BTBD3: variants seen among roughly 807,000 people sequenced by gnomAD.
The protein encoded by BTBD3 is BTB/POZ domain-containing protein 3.
A neutral mutation model predicts 41.6 loss-of-function variants in BTBD3; 14 were observed. That is an observed-to-expected ratio of 0.34 (90% confidence interval 0.22 to 0.53). The LOEUF is 0.53. Among genes scored for constraint, BTBD3 ranks in the 20% least tolerant of loss-of-function variants. The pLI, the probability that BTBD3 is intolerant of heterozygous loss-of-function variation, is 0.95. For synonymous variants in BTBD3, 249 were observed against 233.7 expected (o/e 1.07, Z -0.60); for missense variants, 426 against 654.7 (o/e 0.65, Z 3.81).
chr20:11,909,335 A>T (rs371498515), intron 1 of BTBD3: 1 of 151,344 alleles, frequency 6.6e-6, no homozygotes, highest in Non-Finnish European at 1.5e-5. Flanking sequence ...AAGAGCTTTT[A>T]CTGTGAGTTT....
chr20:11,903,314 CTTGCTTTAGGAGAACACCAAAGA>C (rs2056834669), intron 1 of BTBD3, among the ~76,000 whole-genome samples: 1 of 152,140 alleles, frequency 6.6e-6, no homozygotes, highest in African/African-American at 2.4e-5. Flanking sequence ...GGCAGCCATG[CTTGCTTTAGGAGAACACCAAAGA>C]TTGCTACCCC....
intron 2 of BTBD3, 63 bp from the exon 3 acceptor site, chr20:11,919,655 G>T: frequency 6.7e-7 from 1 of 1,497,740 alleles, no homozygotes; most frequent in Non-Finnish European, 9.3e-7. Context: ...TTGTTTTTCT[G>T]CATTGATTTG....
In BTBD3 at chr20:11,923,167, A is replaced by G. The variant is rs1418222465; in HGVS notation, c.1070A>G (p.Lys357Arg). The change falls in exon 4 of 4, where the codon AAG becomes AGG. Residue 357 changes from lysine (K) to arginine (R), a missense_variant. Physicochemically the swap from Lys to Arg is conservative, Grantham distance 26 (BLOSUM62 2). Around this residue, in one of 3 missense-constraint regions of BTBD3, gnomAD observed 321 missense variants for 534.8 expected, o/e 0.60. Transcript: ENST00000378226. This position sits in a 1 kb window ranked among gnomAD's most constrained non-coding sequence, Gnocchi z 5.3. ...TTCCTCTGGTATACTGCAGCCAAAA[A>G]GCCTGAGCTTCAGTTTGTGAGTAAA... ...DIFLWYTAAK[K>R]PELQFVSKAR... 1 of 1,614,246 alleles carries G rather than the reference A, an allele frequency of 6.2e-7. No individual in the cohort carries two copies. Among genetic ancestry groups the G allele is most frequent in the Middle Eastern group, 1.6e-4 (1 of 6,062 alleles).
chr20:11,916,487 T>C (rs974484337), upstream of BTBD3, among the ~76,000 whole-genome samples: 9 of 152,192 alleles, frequency 5.9e-5, no homozygotes, highest in Admixed American at 2.0e-4. Context: ...CCATCTAAAA[T>C]GGAGACAGGT....
At chr20:11,899,593 C>T (rs975103643) in intron 1 of BTBD3, among the ~76,000 whole-genome samples, 2 of 151,824 alleles carry the variant, frequency 1.3e-5, no homozygotes, top group Admixed American at 1.3e-4. Context: ...TTCCAGGATA[C>T]ATGTGCAGGA....
chr20:11,921,682 G>A lies in BTBD3; in HGVS notation c.537-952G>A, dbSNP rs148518711. ...AAAAAGGCAGGTTTCATTTGTGCTC[G>A]TGGACATTTTTCTCATTGCCATTCT... On this transcript the variant is annotated intron_variant, in intron 3 of 3. Coordinates refer to ENST00000378226, the MANE Select transcript of BTBD3 (RefSeq NM_014962.4). 9.8e-5 allele frequency: 15 copies of A among 152,330 alleles called. 1 individual carries two copies. Among genetic ancestry groups the A allele is most frequent in the East Asian group, 9.6e-4 (5 of 5,186 alleles). The allele number at this position is 152,330 out of a possible 1,614,324, so 9.4% of individuals were successfully genotyped here. A position where few individuals can be genotyped will look rare whatever the true frequency, so the allele number is the denominator to read the frequency against.
chr20:11,920,912 A>G (rs2056965291), intron 3 of BTBD3, among the ~76,000 whole-genome samples: 2 of 150,684 alleles, frequency 1.3e-5, no homozygotes, highest in Non-Finnish European at 2.9e-5. Context: ...TTCATTATTC[A>G]TCTTACAGTT....
At chr20:11,898,590 TA>T (rs1316667479) in intron 1 of BTBD3, among the ~76,000 whole-genome samples, 1 of 152,222 alleles carries the variant, frequency 6.6e-6, no homozygotes, top group Non-Finnish European at 1.5e-5. Flanking sequence ...GTATGTTTAT[TA>T]ATGTGTCCTG....
upstream of BTBD3, among the ~76,000 whole-genome samples, chr20:11,915,020 C>T (rs2056909741): frequency 2.0e-5 from 3 of 152,110 alleles, no homozygotes; most frequent in Non-Finnish European, 2.9e-5. Context: ...CAAATACTCG[C>T]CTTTCTCTAT....
Position 11,918,434 on chromosome 20 carries a change from T to G in BTBD3, c.159T>G (p.Ile53Met), listed in dbSNP as rs777586369. ...SKLPPVCYEIITLKTKKKKMA... is the reference protein window; with the variant it reads ...SKLPPVCYEIMTLKTKKKKMA... ...TGCCACCAGTTTGTTATGAAATAAT[T>G]ACCTTGAAGACTAAAAAGAAGAAGA... is the stretch of plus-strand genomic sequence containing the variant. The change falls in exon 1 of 4, where the codon ATT becomes ATG. Residue 53 changes from isoleucine (I) to methionine (M), a missense_variant. By Grantham distance (10) the Ile-to-Met change is conservative. Transcript: ENST00000378226. The G allele has an allele frequency of 1.2e-6, 2 of 1,613,978 alleles. No individual in the cohort carries two copies.
chr20:11,899,321 G>T (rs1353405928), intron 1 of BTBD3, among the ~76,000 whole-genome samples: 1 of 152,062 alleles, frequency 6.6e-6, no homozygotes, highest in Non-Finnish European at 1.5e-5. Context: ...AGAGAATGTT[G>T]TAGTCATCCC....
intron 1 of BTBD3, among the ~76,000 whole-genome samples, chr20:11,895,827 G>C (rs947928765): frequency 7.9e-5 from 12 of 152,138 alleles, no homozygotes; most frequent in African/African-American, 2.9e-4. Flanking sequence ...GAGCAGACTG[G>C]AGTGAGTACT....
In BTBD3 at chr20:11,918,245, ATCTAAC is replaced by A; in HGVS notation, c.-25_-20del. 6.6e-7 allele frequency: 1 copy of A among 1,521,158 alleles called. No homozygotes were observed. The highest frequency in any genetic ancestry group is 8.7e-7 in the Non-Finnish European group (1 of 1,143,430). The allele number at this position is 1,521,158 out of a possible 1,614,324, so 94.2% of individuals were successfully genotyped here. On this transcript the variant is annotated 5_prime_UTR_variant, in exon 1 of 4. Coordinates refer to ENST00000378226, the MANE Select transcript of BTBD3 (RefSeq NM_014962.4). ...CTTGATGTTCAAACCAATTTGGGAT[ATCTAAC>A]TCTAAAGAGAGACACACTGTACTCA...
chr20:11,914,575 G>T (rs1600241197), upstream of BTBD3, among the ~76,000 whole-genome samples: 1 of 151,690 alleles, frequency 6.6e-6, no homozygotes, highest in East Asian at 1.9e-4. Context: ...GTATACATAT[G>T]TAACTAACCT....
rs761568113 is a variant in BTBD3 at position 11,919,128 on chromosome 20, T to C, written c.369T>C (p.His123=). ...MFNNDLMADV[H]FVVGPPGGTQ... ...ATAATGATTTGATGGCAGATGTACA[T>C]TTTGTGGTTGGGCCACCAGGTGGGA... Residue 123 remains histidine (H), a synonymous_variant, in exon 2 of 4, where the codon CAT becomes CAC. Transcript: ENST00000378226. 6.2e-7 allele frequency: 1 copy of C among 1,613,716 alleles called. No individual in the cohort carries two copies.
At chr20:11,897,769 A>G (rs1385647958) in intron 1 of BTBD3, among the ~76,000 whole-genome samples, 1 of 152,154 alleles carries the variant, frequency 6.6e-6, no homozygotes, top group Non-Finnish European at 1.5e-5. Context: ...CATCAGAGTG[A>G]TCTTTTAAAA....
chr20:11,902,206 C>A (rs1451997193), intron 1 of BTBD3, among the ~76,000 whole-genome samples: 4 of 152,042 alleles, frequency 2.6e-5, no homozygotes, highest in Admixed American at 2.0e-4. Flanking sequence ...TACATTCTTA[C>A]AATAAACTAG....
rs929460531 is a variant in BTBD3 at position 11,924,804 on chromosome 20, A to G, written c.*1138A>G. On this transcript the variant is annotated 3_prime_UTR_variant, in exon 4 of 4. Transcript: ENST00000378226. ...TTTGTCCTGTTCCTAGACTGCTAGA[A>G]TCTGGCCCCTGGCCATCTTAAAGTG... is the stretch of plus-strand genomic sequence containing the variant. 1 of 152,644 alleles carries G rather than the reference A, an allele frequency of 6.6e-6. No homozygotes were observed. The highest frequency in any genetic ancestry group is 2.4e-5 in the African/African-American group (1 of 41,444). The allele number at this position is 152,644 out of a possible 1,614,324, so 9.5% of individuals were successfully genotyped here. A position where few individuals can be genotyped will look rare whatever the true frequency, so the allele number is the denominator to read the frequency against.
intron 1 of BTBD3, among the ~76,000 whole-genome samples, chr20:11,908,258 C>CGA (rs1179315294): frequency 1.4e-5 from 2 of 144,960 alleles, no homozygotes; most frequent in African/African-American, 5.2e-5. Flanking sequence ...CAGTCATCAT[C>CGA]ACCTTGGATC....
Sources: allele counts gnomAD v4.1 joint callset (sites outside exome capture counted in the v4.1 genomes callset), GRCh38; gene constraint gnomAD v4.1.1; regional missense constraint gnomAD v4.1.1; non-coding constraint Gnocchi (gnomAD v3.1); transcripts MANE v1.5; gene names NCBI Gene and HGNC (gene_info 2026-07-23, HGNC 2026-07-21).